Variants in ITGAE observed in about 807,000 individuals in gnomAD.
ITGAE encodes the protein integrin alpha-E.
ITGAE carries 99 observed loss-of-function variants against 136.5 expected under a neutral mutation model. That is an observed-to-expected ratio of 0.73 (90% CI 0.62 to 0.86). The LOEUF (loss-of-function observed/expected upper bound fraction) is 0.86. ITGAE is among the 40% of genes least tolerant of loss of function. ITGAE has a pLI of 0.00. For synonymous variants in ITGAE, 613 were observed against 591.8 expected (o/e 1.04, Z -0.52); for missense variants, 1,447 against 1,515.3 (o/e 0.95, Z 0.75).
intron 3 of ITGAE, among the ~76,000 whole-genome samples, chr17:3,762,589 A>ATTTT (rs1201695419): frequency 6.3e-5 from 7 of 111,782 alleles, no homozygotes; most frequent in African/African-American, 1.1e-4. Context: ...TCAGACAAGG[A>ATTTT]TTTTTTTTTT....
At chr17:3,723,424 C>A (rs766211203) in intron 27 of ITGAE, 41 bp from the exon 28 acceptor site, 1 of 1,429,794 alleles carries the variant, frequency 7.0e-7, no homozygotes, top group Admixed American at 1.7e-5. Flanking sequence ...CCTTTCCGTG[C>A]GGAAAGTCTG....
rs11868606 is a variant in ITGAE, at chr17:3,757,892, T to A, written c.867-33A>T. ...GGGGAGAGTAAATGAAGAAGAGAGC[T>A]TTGCCAGAAGGATGACCGAGCTCCA... On this transcript the variant is annotated intron_variant, in intron 8 of 30. Coordinates refer to ENST00000263087, the MANE Select transcript of ITGAE (RefSeq NM_002208.5). 8.1e-5 allele frequency: 130 copies of A among 1,611,822 alleles called. 1 individual carries two copies. In the African/African-American group the frequency reaches 1.6e-3, roughly 20 times the overall value.
intron 20 of ITGAE, among the ~76,000 whole-genome samples, chr17:3,735,363 C>G (rs1354541382): frequency 6.6e-6 from 1 of 152,170 alleles, no homozygotes; most frequent in East Asian, 1.9e-4. Flanking sequence ...GACGGGGTTT[C>G]TCCACGTTGG....
intron 30 of ITGAE, among the ~76,000 whole-genome samples, chr17:3,716,093 G>T (rs2737130): frequency 5.9e-5 from 9 of 151,564 alleles, no homozygotes; most frequent in East Asian, 3.9e-4. Context: ...GGGTCAGGGT[G>T]GGGGGAAGGG....
At chr17:3,744,400 A>G (rs918841448) in intron 18 of ITGAE, among the ~76,000 whole-genome samples, 3 of 151,520 alleles carry the variant, frequency 2.0e-5, no homozygotes, top group Middle Eastern at 3.5e-3. Flanking sequence ...TGGCTCAGAC[A>G]GAAGGGAAGA....
chr17:3,781,340 TTC>T lies in ITGAE; in HGVS notation c.35-3682_35-3681del, dbSNP rs1177024842. The stretch of plus-strand genomic sequence containing the variant: ...TTCTATATTTTTTTTCTTCTTTCAT[TTC>T]TTTTTTCTTTCTTTCTTTTTTTTTT... On this transcript the variant is annotated intron_variant, in intron 1 of 30. Coordinates refer to ENST00000263087, the MANE Select transcript of ITGAE (RefSeq NM_002208.5). 3.3e-5 allele frequency among the ~76,000 whole-genome samples: 5 copies of T among 152,080 alleles called. No homozygotes were observed. The East Asian group carries it at 9.7e-4, about 29-fold the overall frequency.
chr17:3,797,157 ATTTTTTTTTTT>A (rs56101818), intron 1 of ITGAE, among the ~76,000 whole-genome samples: 9 of 94,436 alleles, frequency 9.5e-5, no homozygotes, highest in Admixed American at 1.3e-4. Context: ...ATATATATAT[ATTTTTTTTTTT>A]TTTTTTTTTT....
intron 26 of ITGAE, chr17:3,725,190 G>C (rs2051179656): frequency 4.3e-6 from 7 of 1,614,200 alleles, no homozygotes; most frequent in Non-Finnish European, 4.2e-6. Context: ...CCTCCTATCA[G>C]AATGTTCAAA....
At chr17:3,734,735 TG>T in intron 21 of ITGAE, 81 bp downstream of exon 21, 1 of 1,554,492 alleles carries the variant, frequency 6.4e-7, no homozygotes, top group Non-Finnish European at 8.8e-7. Context: ...GGGGTGCCAG[TG>T]AGGGGGCCAC....
At chr17:3,772,974 A>G (rs2052461082) in intron 2 of ITGAE, among the ~76,000 whole-genome samples, 2 of 152,030 alleles carry the variant, frequency 1.3e-5, no homozygotes, top group South Asian at 4.1e-4. Flanking sequence ...CTCAATTCCG[A>G]CATGCTCCAC....
In ITGAE at chr17:3,720,788, G is replaced by A. The variant is rs530811291; in HGVS notation, c.3238-386C>T. Among the ~76,000 whole-genome samples, 3 of 152,096 alleles carry A rather than the reference G, an allele frequency of 2.0e-5. No homozygotes were observed. The South Asian group carries it at 6.2e-4, about 32-fold the overall frequency. ...AGTAGAGATGGGGTTTTGCCATGTT[G>A]GCCAGGCTTGTCTCGAACTCCTGAC... On this transcript the variant is annotated intron_variant, in intron 28 of 30. Coordinates refer to ENST00000263087, the MANE Select transcript of ITGAE (RefSeq NM_002208.5).
chr17:3,784,215 G>A (rs1291893740), intron 1 of ITGAE: 15 of 246,696 alleles, frequency 6.1e-5, no homozygotes, highest in South Asian at 1.3e-4. Flanking sequence ...AGCCGAGATT[G>A]CGCCACTGCA....
chr17:3,763,732 G>A, intron 3 of ITGAE, 137 bp downstream of exon 3: 1 of 715,164 alleles, frequency 1.4e-6, no homozygotes, highest in Non-Finnish European at 2.5e-6. Context: ...GAATCTTGCT[G>A]TGGGTTATGC....
chr17:3,775,158 C>T (rs2052511561), intron 2 of ITGAE, among the ~76,000 whole-genome samples: 1 of 152,070 alleles, frequency 6.6e-6, no homozygotes, highest in Non-Finnish European at 1.5e-5. Context: ...ACTGTGTTAC[C>T]CAGGCTGGTC....
chr17:3,791,534 C>G (rs976693983), intron 1 of ITGAE, among the ~76,000 whole-genome samples: 3 of 152,118 alleles, frequency 2.0e-5, no homozygotes, highest in Non-Finnish European at 4.4e-5. Context: ...CCACCAGCCT[C>G]AGCCTCCCAA....
intron 22 of ITGAE, 86 bp downstream of exon 22, chr17:3,732,282 G>T: frequency 9.8e-7 from 1 of 1,019,050 alleles, no homozygotes; most frequent in East Asian, 2.4e-5. Context: ...CGCAAAGCTG[G>T]AACCGAGAGA....
At chr17:3,759,229 A>G (rs1012740790) in intron 8 of ITGAE, among the ~76,000 whole-genome samples, 173 bp downstream of exon 8, 13 of 152,010 alleles carry the variant, frequency 8.6e-5, no homozygotes, top group African/African-American at 3.1e-4. Context: ...AGTCTTTGGA[A>G]GACTTTTTGG....
chr17:3,724,063 T>G (rs771879811), intron 26 of ITGAE: 1 of 1,597,352 alleles, frequency 6.3e-7, no homozygotes, highest in Non-Finnish European at 8.5e-7. Context: ...CGGAGGCGTT[T>G]CTTCAACAGC....
intron 2 of ITGAE, among the ~76,000 whole-genome samples, chr17:3,772,472 T>TTTG (rs2052448352): frequency 6.8e-6 from 1 of 147,854 alleles, no homozygotes; most frequent in African/African-American, 2.6e-5. Context: ...GCAGACTTTT[T>TTTG]TTTTTTTTTT....
Sources: gnomAD v4.1 joint callset for allele counts (sites outside exome capture counted in the v4.1 genomes callset) on GRCh38, gnomAD v4.1.1 for gene constraint, MANE v1.5 for transcripts, NCBI Gene and HGNC (gene_info 2026-07-23, HGNC 2026-07-21) for gene names.